Variants in SMYD3 observed in about 807,000 individuals in gnomAD.
SMYD3 encodes SET and MYND domain containing 3.
In SMYD3, 36 loss-of-function variants were observed where a neutral mutation model predicts 57.7. The ratio of observed to expected loss-of-function variants is 0.62; its 90% confidence interval spans 0.48 to 0.82. The LOEUF (loss-of-function observed/expected upper bound fraction) is 0.82. Ranked by LOEUF, SMYD3 falls within the 40% of genes least tolerant of loss-of-function variation. The pLI, the probability that SMYD3 is intolerant of heterozygous loss-of-function variation, is 0.00. For missense variants in SMYD3, 515 were observed against 538.8 expected, an observed-to-expected ratio of 0.96 and a Z score of 0.44; for synonymous variants, 211 against 195.0, an observed-to-expected ratio of 1.08 and a Z score of -0.68.
chr1:245,811,384 CA>C (rs2048461648), intron 10 of SMYD3, among the ~76,000 whole-genome samples: 1 of 152,186 alleles, frequency 6.6e-6, no homozygotes, highest in African/African-American at 2.4e-5. Flanking sequence ...TAATTATCAT[CA>C]AAAAGACAGA....
At chr1:245,923,295 A>G (rs538745517) in intron 7 of SMYD3, among the ~76,000 whole-genome samples, 1 of 147,406 alleles carries the variant, frequency 6.8e-6, no homozygotes, top group East Asian at 2.0e-4. Flanking sequence ...AACATGCAGG[A>G]AAAAAAAAAC....
intron 5 of SMYD3, among the ~76,000 whole-genome samples, chr1:246,170,350 G>GAACC: frequency 6.7e-6 from 1 of 149,384 alleles, no homozygotes; most frequent in African/African-American, 2.5e-5. Context: ...ATGCCTCATG[G>GAACC]TTGCATGTAG....
intron 5 of SMYD3, among the ~76,000 whole-genome samples, chr1:246,099,576 T>A (rs2060974848): frequency 6.6e-6 from 1 of 152,156 alleles, no homozygotes. Context: ...GAGAAAAAAT[T>A]AAAATTCCAA....
chr1:246,239,587 C>G (rs374523179), intron 5 of SMYD3, among the ~76,000 whole-genome samples: 5 of 152,168 alleles, frequency 3.3e-5, no homozygotes, highest in Admixed American at 3.3e-4. Flanking sequence ...ATGATTTATA[C>G]TCCTTTGGGT....
chr1:246,482,237 C>T (rs1454588885), intron 1 of SMYD3, among the ~76,000 whole-genome samples: 1 of 152,032 alleles, frequency 6.6e-6, no homozygotes, highest in Admixed American at 6.6e-5. Flanking sequence ...GTGGGTCAGC[C>T]CAGGGCATAT....
chr1:246,064,617 C>T (rs1295837011), intron 5 of SMYD3, among the ~76,000 whole-genome samples: 1 of 152,206 alleles, frequency 6.6e-6, no homozygotes, highest in Non-Finnish European at 1.5e-5. Flanking sequence ...ATTGATCTAT[C>T]CCCTATACTG....
chr1:246,277,871 G>A (rs1428582475), intron 5 of SMYD3, among the ~76,000 whole-genome samples: 3 of 152,184 alleles, frequency 2.0e-5, no homozygotes, highest in African/African-American at 7.2e-5. Context: ...CAGACGTGTA[G>A]GAGGATTGAT....
intron 2 of SMYD3, among the ~76,000 whole-genome samples, chr1:246,352,136 C>CAAAAAAAAA (rs10581690): frequency 5.6e-4 from 34 of 60,478 alleles, no homozygotes; most frequent in South Asian, 1.0e-3. Flanking sequence ...GACTCTGTCT[C>CAAAAAAAAA]AAAAAAAAAA....
chr1:245,960,929 AG>A (rs2057989298), intron 5 of SMYD3, among the ~76,000 whole-genome samples: 1 of 152,214 alleles, frequency 6.6e-6, no homozygotes, highest in African/African-American at 2.4e-5. Flanking sequence ...TTCCACAGGA[AG>A]GCCGAAGGCC....
At chr1:246,493,222 A>AG (rs1328795494) in intron 1 of SMYD3, among the ~76,000 whole-genome samples, 1 of 132,686 alleles carries the variant, frequency 7.5e-6, no homozygotes, top group East Asian at 2.6e-4. Flanking sequence ...GGGGGAGGAG[A>AG]GGGGGGCTGA....
intron 5 of SMYD3, among the ~76,000 whole-genome samples, chr1:246,078,398 C>A (rs546934998): frequency 6.6e-6 from 1 of 152,036 alleles, no homozygotes; most frequent in Non-Finnish European, 1.5e-5. Context: ...TTTTAGGCAC[C>A]GTGATAAGGA....
intron 10 of SMYD3, among the ~76,000 whole-genome samples, chr1:245,842,419 A>C (rs537729969): frequency 7.0e-6 from 1 of 143,442 alleles, no homozygotes; most frequent in African/African-American, 2.6e-5. Flanking sequence ...GCTTTTCCCA[A>C]ATTCATTTGA....
intron 5 of SMYD3, among the ~76,000 whole-genome samples, chr1:246,278,303 A>G (rs2064374650): frequency 1.3e-5 from 2 of 150,870 alleles, no homozygotes; most frequent in South Asian, 4.2e-4. Flanking sequence ...ACACCTAGCT[A>G]CCTCCTTGGG....
chr1:245,822,553 A>C, intron 10 of SMYD3, among the ~76,000 whole-genome samples: 1 of 141,904 alleles, frequency 7.0e-6, no homozygotes, highest in Non-Finnish European at 1.5e-5. Flanking sequence ...ATAATAATAA[A>C]AGAAAAAAAA....
intron 2 of SMYD3, among the ~76,000 whole-genome samples, chr1:246,335,733 G>C (rs1282246435): frequency 2.0e-5 from 3 of 152,204 alleles, no homozygotes; most frequent in African/African-American, 7.2e-5. Flanking sequence ...TACCTGGCTA[G>C]TGGAGTCCAA....
intron 5 of SMYD3, among the ~76,000 whole-genome samples, chr1:246,323,949 G>A (rs1222949904): frequency 6.6e-6 from 1 of 152,212 alleles, no homozygotes; most frequent in Admixed American, 6.5e-5. Flanking sequence ...GATATAAAAT[G>A]AGTCTGAAAA....
chr1:246,242,386 T>A (rs1383832690), intron 5 of SMYD3, among the ~76,000 whole-genome samples: 1 of 152,202 alleles, frequency 6.6e-6, no homozygotes, highest in South Asian at 2.1e-4. Flanking sequence ...TCAGTTTCCA[T>A]GTAGTTGAGC....
intron 5 of SMYD3, among the ~76,000 whole-genome samples, chr1:246,256,793 G>A (rs1043570545): frequency 1.8e-4 from 27 of 151,982 alleles, no homozygotes; most frequent in African/African-American, 2.2e-4. Context: ...AACTTCCTGC[G>A]GTAGGTATTT....
intron 1 of SMYD3, among the ~76,000 whole-genome samples, chr1:246,367,933 C>T (rs2066133958): frequency 6.6e-6 from 1 of 152,174 alleles, no homozygotes; most frequent in African/African-American, 2.4e-5. Flanking sequence ...TCCCCTATCA[C>T]TTGTTCATAC....
Sources: allele counts gnomAD v4.1 joint callset (sites outside exome capture counted in the v4.1 genomes callset), GRCh38; gene constraint gnomAD v4.1.1; transcripts MANE v1.5; gene names NCBI Gene and HGNC (gene_info 2026-07-23, HGNC 2026-07-21).